CDH12: variants seen among roughly 807,000 people sequenced by gnomAD.
CDH12 encodes cadherin 12.
Under a neutral mutation model 74.1 loss-of-function variants are expected in CDH12, and 41 were observed. The observed-to-expected ratio is 0.55, with a 90% CI of 0.43 to 0.72. The LOEUF (loss-of-function observed/expected upper bound fraction) is 0.72, where lower values mean the gene tolerates loss of function less well. CDH12 is among the 30% of genes least tolerant of loss of function. The pLI, the probability that CDH12 is intolerant of heterozygous loss-of-function variation, is 0.00. For missense variants in CDH12, 945 were observed against 977.2 expected (o/e 0.97, Z 0.44); for synonymous variants, 399 against 355.0 (o/e 1.12, Z -1.39).
At chr5:22,174,621 A>G (rs1185462741) in intron 4 of CDH12, among the ~76,000 whole-genome samples, 1 of 151,990 alleles carries the variant, frequency 6.6e-6, no homozygotes, top group Non-Finnish European at 1.5e-5. Context: ...ATGAATACAA[A>G]TGGAGTTCTG....
At chr5:21,783,241 C>T (rs989695166) in intron 11 of CDH12, 117 bp downstream of exon 11, 30 of 864,366 alleles carry the variant, frequency 3.5e-5, no homozygotes, top group South Asian at 1.7e-4. Flanking sequence ...TGAGTTTCCC[C>T]GCGAGACCAC....
rs1197791367 is a variant in CDH12, at chr5:21,817,072, C to A, written c.875G>T (p.Arg292Ile). The change falls in exon 9 of 15, where the codon AGA (arginine) becomes ATA (isoleucine). Residue 292 changes from arginine (R) to isoleucine (I), a missense_variant. By Grantham distance (97) the Arg-to-Ile change is moderately conservative. Transcript: ENST00000382254. ...TTGTCCAAAATCAGGATCCACAGCT[C>A]TTATTCTTCCAATAGCTGAACCAAT... ...SPIGSAIGRI[R>I]AVDPDFGQNA... 1 of 1,612,632 alleles carries A rather than the reference C, an allele frequency of 6.2e-7. No individual in the cohort carries two copies. Among genetic ancestry groups the A allele is most frequent in the African/African-American group, 1.3e-5 (1 of 74,928 alleles).
At chr5:22,237,451 A>G (rs1167082314) in intron 3 of CDH12, among the ~76,000 whole-genome samples, 6 of 152,112 alleles carry the variant, frequency 3.9e-5, no homozygotes, top group African/African-American at 1.4e-4. Flanking sequence ...AGGTAATTAA[A>G]TCATGAGGGC....
rs150523921 is a variant in CDH12 at position 22,784,423 on chromosome 5, C to T, written c.-523+68635G>A. On this transcript the variant is annotated intron_variant, in intron 1 of 14. Coordinates refer to ENST00000382254, the MANE Select transcript of CDH12 (RefSeq NM_004061.5). The stretch of plus-strand genomic sequence containing the variant: ...TCTTTCACCTTCCCCTTAACTTTCT[C>T]TACTTTATATATTTCCTACCTTGGA... Among the ~76,000 whole-genome samples, 833 of 152,266 alleles carry T rather than the reference C, an allele frequency of 5.5e-3. 8 individuals are homozygous for T. The highest frequency in any genetic ancestry group is 0.019 in the African/African-American group (777 of 41,542).
intron 6 of CDH12, among the ~76,000 whole-genome samples, chr5:21,960,826 A>G (rs1490354081): frequency 6.6e-6 from 1 of 152,016 alleles, no homozygotes; most frequent in Non-Finnish European, 1.5e-5. Context: ...ACAGAAATTA[A>G]GCATTCAATT....
At chr5:22,026,525 G>A (rs1354918830) in intron 5 of CDH12, among the ~76,000 whole-genome samples, 1 of 152,052 alleles carries the variant, frequency 6.6e-6, no homozygotes, top group Non-Finnish European at 1.5e-5. Flanking sequence ...ATAAAAGGGT[G>A]GCACCCCAAA....
intron 7 of CDH12, among the ~76,000 whole-genome samples, chr5:21,851,253 G>T (rs1750451753): frequency 6.6e-6 from 1 of 150,916 alleles, no homozygotes; most frequent in Admixed American, 6.6e-5. Flanking sequence ...TACATTAACA[G>T]AATTTTAAGA....
At chr5:22,667,129 C>CT (rs1740665823) in intron 1 of CDH12, among the ~76,000 whole-genome samples, 1 of 152,184 alleles carries the variant, frequency 6.6e-6, no homozygotes. Flanking sequence ...TGAACACAGA[C>CT]TTTTGCATTT....
At chr5:22,565,333 T>C (rs920262947) in intron 1 of CDH12, among the ~76,000 whole-genome samples, 8 of 152,224 alleles carry the variant, frequency 5.3e-5, no homozygotes, top group Non-Finnish European at 1.2e-4. Flanking sequence ...GTCTTCTCCA[T>C]AGTGGCTATA....
intron 13 of CDH12, among the ~76,000 whole-genome samples, chr5:21,759,155 G>T (rs561402187): frequency 6.6e-6 from 1 of 152,044 alleles, no homozygotes; most frequent in Admixed American, 6.6e-5. Context: ...ATTAAAAAAA[G>T]TTGTATTCCA....
intron 3 of CDH12, among the ~76,000 whole-genome samples, chr5:22,285,714 T>C (rs111591944): frequency 0.029 from 4,443 of 152,260 alleles, 94 homozygotes; most frequent in South Asian, 0.094. Context: ...CAACTTTCAG[T>C]TCTGAAAGAT....
rs539692880 is a variant in CDH12, at chr5:22,464,264, CT to C, written c.-428+41005del. On this transcript the variant is annotated intron_variant, in intron 2 of 14. Coordinates refer to ENST00000382254, the MANE Select transcript of CDH12 (RefSeq NM_004061.5). ...GCAGAACTGCAAATCCATTAAACCCCTTTTCCTGTATAAATTGCCCAGTCTC... is the reference window on the plus strand; with the variant it reads ...GCAGAACTGCAAATCCATTAAACCCCTTTCCTGTATAAATTGCCCAGTCTC... Among the ~76,000 whole-genome samples the C allele has an allele frequency of 4.8e-3, 724 of 152,320 alleles. 2 individuals are homozygous for C. The highest frequency in any genetic ancestry group is 0.016 in the African/African-American group (676 of 41,570).
chr5:22,273,370 C>T (rs1736491202), intron 3 of CDH12, among the ~76,000 whole-genome samples: 2 of 152,212 alleles, frequency 1.3e-5, no homozygotes, highest in South Asian at 4.1e-4. Context: ...TTGCCACAAA[C>T]GTTCAATTTG....
At chr5:21,759,517 T>C (rs1217088894) in intron 13 of CDH12, among the ~76,000 whole-genome samples, 2 of 152,074 alleles carry the variant, frequency 1.3e-5, no homozygotes, top group African/African-American at 4.8e-5. Context: ...TTGTTAAGGC[T>C]TTGCAAATAT....
intron 1 of CDH12, among the ~76,000 whole-genome samples, chr5:22,778,558 T>G (rs2126337856): frequency 6.6e-6 from 1 of 152,272 alleles, no homozygotes; most frequent in Admixed American, 6.5e-5. Flanking sequence ...GTGGATTGAA[T>G]TATATAAATA....
intron 3 of CDH12, among the ~76,000 whole-genome samples, chr5:22,259,966 C>G (rs538098994): frequency 6.6e-6 from 1 of 151,836 alleles, no homozygotes; most frequent in Non-Finnish European, 1.5e-5. Flanking sequence ...AGGGCAAAAG[C>G]GTAATTAAAA....
At chr5:21,919,669 C>T (rs1754264200) in intron 6 of CDH12, among the ~76,000 whole-genome samples, 1 of 152,010 alleles carries the variant, frequency 6.6e-6, no homozygotes, top group Non-Finnish European at 1.5e-5. Flanking sequence ...ACTTGATTCC[C>T]GGAGAAACGG....
chr5:22,643,733 CT>C (rs762944279), intron 1 of CDH12, among the ~76,000 whole-genome samples: 1,544 of 51,158 alleles, frequency 0.03, 5 homozygotes, highest in Non-Finnish European at 0.036. Flanking sequence ...TTTAAGGTAT[CT>C]TTTTTTTTTT....
At chr5:22,378,193 C>T (rs1741618141) in intron 3 of CDH12, among the ~76,000 whole-genome samples, 1 of 152,064 alleles carries the variant, frequency 6.6e-6, no homozygotes, top group South Asian at 2.1e-4. Flanking sequence ...GAATCAGTTG[C>T]TATTCCAGAA....
Sources: gnomAD v4.1 joint callset for allele counts (sites outside exome capture counted in the v4.1 genomes callset) on GRCh38, gnomAD v4.1.1 for gene constraint, MANE v1.5 for transcripts, NCBI Gene and HGNC (gene_info 2026-07-23, HGNC 2026-07-21) for gene names.